Variants in SLC2A14 observed in about 807,000 individuals in gnomAD.
SLC2A14 encodes solute carrier family 2 member 14, also known as solute carrier family 2, facilitated glucose transporter member 14.
A neutral mutation model predicts 43.0 loss-of-function variants in SLC2A14; 13 were observed. The observed-to-expected ratio is 0.30, with a 90% CI of 0.20 to 0.48. The LOEUF (loss-of-function observed/expected upper bound fraction) is 0.48, where lower values mean the gene tolerates loss of function less well. SLC2A14 is among the 20% of genes least tolerant of loss of function. SLC2A14 has a pLI of 0.99. For missense variants in SLC2A14, 428 were observed against 620.4 expected, an observed-to-expected ratio of 0.69 and a Z score of 3.29; for synonymous variants, 190 against 233.8, an observed-to-expected ratio of 0.81 and a Z score of 1.71.
At chr12:7,879,696 A>T (rs73057389) in intron 1 of SLC2A14, among the ~76,000 whole-genome samples, 14,829 of 151,640 alleles carry the variant, frequency 0.098, 795 homozygotes, top group East Asian at 0.17. Flanking sequence ...AAAAATAAAT[A>T]AAAAAAATAT....
intron 1 of SLC2A14, among the ~76,000 whole-genome samples, chr12:7,879,391 A>G (rs1279670884): frequency 6.6e-6 from 1 of 151,412 alleles, no homozygotes; most frequent in Non-Finnish European, 1.5e-5. Flanking sequence ...TCTCAACAAC[A>G]AAAAAAGAGG....
At chr12:7,824,161 C>G (rs1054076196) in intron 7 of SLC2A14, among the ~76,000 whole-genome samples, 1 of 151,954 alleles carries the variant, frequency 6.6e-6, no homozygotes, top group African/African-American at 2.4e-5. Context: ...GAGGCTGAGA[C>G]AGGAGAATTG....
chr12:7,883,263 C>CTTTTTTTTTT (rs372464881), intron 1 of SLC2A14, among the ~76,000 whole-genome samples: 2 of 108,406 alleles, frequency 1.8e-5, no homozygotes, highest in African/African-American at 3.5e-5. Context: ...TTCTTTCTTT[C>CTTTTTTTTTT]TTTTTTTTTT....
chr12:7,854,024 T>C (rs1292605706), intron 2 of SLC2A14, among the ~76,000 whole-genome samples: 1 of 152,062 alleles, frequency 6.6e-6, no homozygotes, highest in African/African-American at 2.4e-5. Context: ...GTTAGTTAAG[T>C]TTTTCAATGA....
rs1383261425 is a variant in SLC2A14 at position 7,812,647 on chromosome 12, G to A, written c.*1669C>T. 6.6e-6 allele frequency: 1 copy of A among 152,104 alleles called. No individual in the cohort carries two copies. 9.4% of individuals were successfully genotyped at this position (152,104 alleles called of 1,614,324 possible). ...TTCCCTGCCTTACTGCCAAACTGAG[G>A]AGCCAGAAGTTGACGTGAAGTTGGA... is the stretch of plus-strand genomic sequence containing the variant. On this transcript the variant is annotated 3_prime_UTR_variant, in exon 11 of 11. Transcript: ENST00000431042.
chr12:7,835,196 G>C (rs1027971712), intron 2 of SLC2A14, among the ~76,000 whole-genome samples: 1 of 151,866 alleles, frequency 6.6e-6, no homozygotes, highest in Non-Finnish European at 1.5e-5. Context: ...CCTACAGCCT[G>C]ACCAGTATGG....
chr12:7,890,502 C>T (rs1259078087), intron 1 of SLC2A14, among the ~76,000 whole-genome samples: 1 of 141,662 alleles, frequency 7.1e-6, no homozygotes, highest in Admixed American at 6.9e-5. Flanking sequence ...TATCACACAA[C>T]ATTATAATTG....
intron 2 of SLC2A14, among the ~76,000 whole-genome samples, chr12:7,849,588 A>G (rs1326109447): frequency 6.6e-6 from 1 of 151,734 alleles, no homozygotes; most frequent in African/African-American, 2.4e-5. Context: ...AAAAAATTAA[A>G]ATGTATGTGG....
chr12:7,838,805 C>T (rs1865675040), intron 2 of SLC2A14, among the ~76,000 whole-genome samples: 1 of 152,190 alleles, frequency 6.6e-6, no homozygotes, highest in African/African-American at 2.4e-5. Flanking sequence ...AGCCCTAACC[C>T]CTAGTAACTT....
At chr12:7,874,725 TA>T (rs373581941), upstream of SLC2A14, among the ~76,000 whole-genome samples, 2 of 129,644 alleles carry the variant, frequency 1.5e-5, no homozygotes, top group Admixed American at 8.6e-5. Flanking sequence ...TATAAATATA[TA>T]AAAAATATAT....
intron 7 of SLC2A14, among the ~76,000 whole-genome samples, chr12:7,825,402 A>G (rs1364274778): frequency 2.7e-5 from 4 of 145,506 alleles, no homozygotes; most frequent in Admixed American, 1.4e-4. Flanking sequence ...AGAGGTTGCT[A>G]TGAGCTGATA....
chr12:7,862,445 G>A (rs1565565125), intron 2 of SLC2A14, among the ~76,000 whole-genome samples: 2 of 152,090 alleles, frequency 1.3e-5, no homozygotes, highest in Admixed American at 6.6e-5. Context: ...GGGACCTGCA[G>A]CCCGCCATGC....
At chr12:7,829,555 AAAAAAAAAAAAAG>A (rs1864817510) in intron 5 of SLC2A14, among the ~76,000 whole-genome samples, 198 bp downstream of exon 5, 1 of 20,752 alleles carries the variant, frequency 4.8e-5, no homozygotes, top group Non-Finnish European at 9.0e-5. Context: ...ACTCCCTCTC[AAAAAAAAAAAAAG>A]AAAAAGAAAA....
chr12:7,868,489 A>C (rs1945044470), intron 2 of SLC2A14, among the ~76,000 whole-genome samples: 1 of 152,084 alleles, frequency 6.6e-6, no homozygotes. Flanking sequence ...CGTCCATTCC[A>C]CCATTTTCTA....
chr12:7,862,264 C>CAA (rs71038792), intron 2 of SLC2A14, among the ~76,000 whole-genome samples: 6,946 of 58,434 alleles, frequency 0.12, 604 homozygotes, highest in Middle Eastern at 0.23. Flanking sequence ...ACTTGTCTCT[C>CAA]AAAAAAAAAA....
intron 1 of SLC2A14, 85 bp from the exon 2 acceptor site, chr12:7,870,022 C>T: frequency 1.5e-6 from 1 of 659,862 alleles, no homozygotes; most frequent in South Asian, 2.3e-5. Flanking sequence ...GCCCCCTCGC[C>T]AATGGACACT....
At chr12:7,840,160 CTTTTTTTTTTTTTTT>C (rs58740298) in intron 2 of SLC2A14, among the ~76,000 whole-genome samples, 1 of 68,786 alleles carries the variant, frequency 1.5e-5, no homozygotes, top group Non-Finnish European at 2.3e-5. Flanking sequence ...GAGTTTGCTC[CTTTTTTTTTTTTTTT>C]TTTTTTTTTT....
Position 7,887,589 on chromosome 12 carries a change from ATAGATAGATAGATAGATAGATAGT to A in SLC2A14, c.132+3383_132+3406del, listed in dbSNP as rs776716980. Among the ~76,000 whole-genome samples, 511 of 148,746 alleles carry A rather than the reference ATAGATAGATAGATAGATAGATAGT, an allele frequency of 3.4e-3. 7 individuals carry two copies. The highest frequency in any genetic ancestry group is 0.014 in the Middle Eastern group (4 of 290). On this transcript the variant is annotated intron_variant, in intron 1 of 9. Transcript: ENST00000539924. ...GATAGATAGATAGATAGATAGATAG[ATAGATAGATAGATAGATAGATAGT>A]TAGATAGATAGATAGAATGTATGTT...
intron 2 of SLC2A14, among the ~76,000 whole-genome samples, chr12:7,835,843 C>G (rs1865406685): frequency 6.6e-6 from 1 of 152,132 alleles, no homozygotes; most frequent in African/African-American, 2.4e-5. Flanking sequence ...TTTTAATCTT[C>G]CTTTGTTAGG....
Sources: allele counts gnomAD v4.1 joint callset (sites outside exome capture counted in the v4.1 genomes callset), GRCh38; gene constraint gnomAD v4.1.1; transcripts MANE v1.5; gene names NCBI Gene and HGNC (gene_info 2026-07-23, HGNC 2026-07-21).